DDX4: variants seen among roughly 807,000 people sequenced by gnomAD.
DDX4 encodes the protein DEAD-box helicase 4.
DDX4 carries 25 observed loss-of-function variants against 100.0 expected under a neutral mutation model. That is an observed-to-expected ratio of 0.25 (90% CI 0.18 to 0.35). The LOEUF (loss-of-function observed/expected upper bound fraction) is 0.35. Among genes scored for constraint, DDX4 ranks in the 10% least tolerant of loss-of-function variants. DDX4 has a pLI of 1.00. For synonymous variants in DDX4, 259 were observed against 275.7 expected, an observed-to-expected ratio of 0.94 and a Z score of 0.60; for missense variants, 635 against 882.4, an observed-to-expected ratio of 0.72 and a Z score of 3.55.
chr5:55,790,138 C>CTTTT (rs35365600), intron 15 of DDX4, among the ~76,000 whole-genome samples: 50 of 102,030 alleles, frequency 4.9e-4, no homozygotes, highest in African/African-American at 1.7e-3. Flanking sequence ...AAAATATCAC[C>CTTTT]TTTTTTTTTT....
intron 21 of DDX4, 108 bp from the exon 22 acceptor site, chr5:55,816,355 G>C (rs1475198237): frequency 6.9e-7 from 1 of 1,446,584 alleles, no homozygotes; most frequent in Non-Finnish European, 9.2e-7. Context: ...GGGAAGACAT[G>C]GTAGATACTT....
At chr5:55,799,602 C>G (rs991135290) in intron 18 of DDX4, among the ~76,000 whole-genome samples, 3 of 152,158 alleles carry the variant, frequency 2.0e-5, no homozygotes, top group African/African-American at 7.2e-5. Context: ...TCTTGAACTC[C>G]TGGGCTCGAG....
At chr5:55,795,035 G>A (rs560487586) in intron 17 of DDX4, among the ~76,000 whole-genome samples, 3 of 149,548 alleles carry the variant, frequency 2.0e-5, no homozygotes, top group South Asian at 2.1e-4. Context: ...GCACGATCTC[G>A]GCTCACCGCA....
chr5:55,780,189 TACAC>T, intron 8 of DDX4, 124 bp downstream of exon 8: 1 of 1,407,648 alleles, frequency 7.1e-7, no homozygotes, highest in Non-Finnish European at 9.4e-7. Flanking sequence ...CAGTGACTAA[TACAC>T]ATTAATCACC....
chr5:55,748,044 A>G (rs1759337145), intron 3 of DDX4, among the ~76,000 whole-genome samples: 1 of 152,240 alleles, frequency 6.6e-6, no homozygotes. Flanking sequence ...AGGTTAAAGC[A>G]AATCTAATTC....
At chr5:55,789,747 C>A (rs1742443230) in intron 15 of DDX4, among the ~76,000 whole-genome samples, 1 of 152,174 alleles carries the variant, frequency 6.6e-6, no homozygotes. Context: ...CGGGATTCTT[C>A]TGAACTTGGG....
intron 3 of DDX4, among the ~76,000 whole-genome samples, chr5:55,754,647 G>A (rs971068317): frequency 6.6e-6 from 1 of 151,580 alleles, no homozygotes; most frequent in African/African-American, 2.4e-5. Flanking sequence ...TTTTTGTTGT[G>A]TCTCTGCCTG....
chr5:55,759,103 C>T (rs1176767929), intron 3 of DDX4, among the ~76,000 whole-genome samples: 1 of 151,888 alleles, frequency 6.6e-6, no homozygotes, highest in East Asian at 1.9e-4. Flanking sequence ...GTTGCCCAGG[C>T]TGGTCTCAAA....
At chr5:55,779,508 T>G (rs1741778120) in intron 7 of DDX4, among the ~76,000 whole-genome samples, 1 of 152,214 alleles carries the variant, frequency 6.6e-6, no homozygotes, top group Non-Finnish European at 1.5e-5. Context: ...AATCTTTTGG[T>G]ATTCAATTCA....
chr5:55,786,564 C>T lies in DDX4; in HGVS notation c.911C>T (p.Ala304Val), dbSNP rs373718121. 2.9e-5 allele frequency: 46 copies of T among 1,613,042 alleles called. No individual in the cohort carries two copies. In the African/African-American group the frequency reaches 6.1e-4, roughly 22 times the overall value. ...TGTCAGACACTGAATAACAACATTG[C>T]TAAAGCTGGTTATACTAAGCTTACT... is the stretch of plus-strand genomic sequence containing the variant. The part of the protein sequence containing the change: ...NLCQTLNNNI[A>V]KAGYTKLTPV... The change falls in exon 14 of 22, where the codon GCT (alanine) becomes GTT (valine). Residue 304 changes from alanine (A) to valine (V), a missense_variant. Coordinates refer to ENST00000505374, the MANE Select transcript of DDX4 (RefSeq NM_024415.3).
intron 18 of DDX4, among the ~76,000 whole-genome samples, chr5:55,800,558 T>A (rs1393084988): frequency 6.6e-6 from 1 of 152,132 alleles, no homozygotes; most frequent in African/African-American, 2.4e-5. Flanking sequence ...TCTCCTGACC[T>A]TGTGATCTGC....
At chr5:55,785,250 A>C in intron 10 of DDX4, 47 bp from the exon 11 acceptor site, 1 of 1,315,016 alleles carries the variant, frequency 7.6e-7, no homozygotes, top group Non-Finnish European at 1.1e-6. Context: ...AAAGATGTGC[A>C]CAGCCTTACA....
At chr5:55,805,558 C>T (rs1458803194) in intron 18 of DDX4, among the ~76,000 whole-genome samples, 2 of 152,166 alleles carry the variant, frequency 1.3e-5, no homozygotes, top group Middle Eastern at 3.4e-3. Context: ...TGTCAAAGGC[C>T]TTTTCTGCAT....
chr5:55,794,889 T>G (rs1452393663), intron 17 of DDX4, among the ~76,000 whole-genome samples: 1 of 152,168 alleles, frequency 6.6e-6, no homozygotes, highest in Non-Finnish European at 1.5e-5. Flanking sequence ...ATCCGTTCCC[T>G]TGGCTTCTAC....
chr5:55,811,229 G>C (rs1265913776), intron 18 of DDX4, among the ~76,000 whole-genome samples: 1 of 151,924 alleles, frequency 6.6e-6, no homozygotes, highest in Non-Finnish European at 1.5e-5. Flanking sequence ...ACCTTTTATA[G>C]CTTATTTTAA....
intron 7 of DDX4, among the ~76,000 whole-genome samples, chr5:55,770,199 G>T (rs1741167001): frequency 6.7e-6 from 1 of 148,868 alleles, no homozygotes; most frequent in African/African-American, 2.5e-5. Flanking sequence ...GGATCTGTTG[G>T]TTGTGGTTTT....
In DDX4 at chr5:55,754,588, A is replaced by G. The variant is rs1483537382; in HGVS notation, c.128-5612A>G. ...GATTCGGTTTGCCAGTATTTTATTG[A>G]GGATTTTTGCATCAATGTTCATCAA... On this transcript the variant is annotated intron_variant, in intron 3 of 21. Coordinates refer to ENST00000505374, the MANE Select transcript of DDX4 (RefSeq NM_024415.3). Among the ~76,000 whole-genome samples, 28 of 151,158 alleles carry G rather than the reference A, an allele frequency of 1.9e-4. No individual in the cohort carries two copies. The East Asian group carries it at 5.4e-3, about 29-fold the overall frequency.
intron 21 of DDX4, among the ~76,000 whole-genome samples, chr5:55,815,745 T>C (rs1744359102): frequency 6.6e-6 from 1 of 150,748 alleles, no homozygotes; most frequent in Non-Finnish European, 1.5e-5. Context: ...CAGGACCTGT[T>C]GGGGTTACAA....
chr5:55,769,483 A>G (rs537732961), intron 7 of DDX4, among the ~76,000 whole-genome samples: 78 of 152,126 alleles, frequency 5.1e-4, no homozygotes, highest in Non-Finnish European at 9.4e-4. Flanking sequence ...AAACCCTATA[A>G]TCTCTGCCCC....
Sources: gnomAD v4.1 joint callset for allele counts (sites outside exome capture counted in the v4.1 genomes callset) on GRCh38, gnomAD v4.1.1 for gene constraint, MANE v1.5 for transcripts, NCBI Gene and HGNC (gene_info 2026-07-23, HGNC 2026-07-21) for gene names.